Variants in TFPI observed in about 807,000 individuals in gnomAD.
TFPI encodes the protein anti-convertin.
In TFPI, 15 loss-of-function variants were observed where a neutral mutation model predicts 34.6. The ratio of observed to expected loss-of-function variants is 0.43; its 90% CI spans 0.29 to 0.67. The LOEUF (loss-of-function observed/expected upper bound fraction) is 0.67, where lower values mean the gene tolerates loss of function less well. Among genes scored for constraint, TFPI ranks in the 30% least tolerant of loss-of-function variants. The pLI, the probability that TFPI is intolerant of heterozygous loss-of-function variation, is 0.15. For synonymous variants in TFPI, 105 were observed against 120.1 expected (o/e 0.87, Z 0.82); for missense variants, 301 against 364.0 (o/e 0.83, Z 1.41).
intron 1 of TFPI, among the ~76,000 whole-genome samples, chr2:187,535,999 C>T (rs1435195443): frequency 1.3e-5 from 2 of 152,106 alleles, no homozygotes; most frequent in Non-Finnish European, 2.9e-5. Context: ...TGGATAAATT[C>T]CTGGACACAT....
At position 187,512,740 on chromosome 2, in the gene TFPI, T is replaced by C. The variant is rs183207140; in HGVS notation, c.-2-8970A>G. On this transcript the variant is annotated intron_variant, in intron 1 of 7. Transcript: ENST00000233156. The stretch of plus-strand genomic sequence containing the variant: ...AAAGGAAGTCCACTTTGGAAAAGAA[T>C]GGTTATCATCTTCAAAAAAAAGGGA... Among the ~76,000 whole-genome samples, 172 of 151,932 alleles carry C rather than the reference T, an allele frequency of 1.1e-3. 1 individual carries two copies. Among genetic ancestry groups the C allele is most frequent in the African/African-American group, 4.0e-3 (166 of 41,370 alleles).
intron 1 of TFPI, among the ~76,000 whole-genome samples, chr2:187,543,514 C>T (rs1688690051): frequency 6.6e-6 from 1 of 152,186 alleles, no homozygotes; most frequent in South Asian, 2.1e-4. Flanking sequence ...ATTATGAATT[C>T]ATTTTCATAG....
chr2:187,533,521 A>C (rs1201072937), intron 1 of TFPI, among the ~76,000 whole-genome samples: 1 of 152,238 alleles, frequency 6.6e-6, no homozygotes, highest in African/African-American at 2.4e-5. Context: ...TAGTATTAAC[A>C]TCAACAAAGA....
At chr2:187,534,783 T>C (rs1219973001) in intron 1 of TFPI, among the ~76,000 whole-genome samples, 2 of 151,686 alleles carry the variant, frequency 1.3e-5, no homozygotes, top group East Asian at 3.9e-4. Flanking sequence ...GCAAATTAGA[T>C]AGAGTCAAAA....
At chr2:187,505,966 A>G (rs1473066326) in intron 1 of TFPI, among the ~76,000 whole-genome samples, 1 of 152,054 alleles carries the variant, frequency 6.6e-6, no homozygotes, top group Non-Finnish European at 1.5e-5. Flanking sequence ...AGCAAGCCAT[A>G]GCTAAATAGT....
intron 6 of TFPI, among the ~76,000 whole-genome samples, chr2:187,476,696 A>G (rs1405571174): frequency 5.3e-5 from 8 of 152,154 alleles, no homozygotes; most frequent in Non-Finnish European, 1.0e-4. Flanking sequence ...CCATTACTCA[A>G]ATAGAAAAAA....
At chr2:187,512,642 A>G (rs1686724060) in intron 1 of TFPI, among the ~76,000 whole-genome samples, 1 of 152,208 alleles carries the variant, frequency 6.6e-6, no homozygotes, top group South Asian at 2.1e-4. Flanking sequence ...AAAGTGTGCT[A>G]AAAGTTAACA....
At chr2:187,522,739 A>C (rs1265110891) in intron 1 of TFPI, among the ~76,000 whole-genome samples, 1 of 148,920 alleles carries the variant, frequency 6.7e-6, no homozygotes, top group African/African-American at 2.5e-5. Flanking sequence ...AAAAAAAAAA[A>C]AAAAACCCAG....
At chr2:187,515,065 G>A (rs1424965024) in intron 1 of TFPI, 1 of 152,216 alleles carries the variant, frequency 6.6e-6, no homozygotes, top group African/African-American at 2.4e-5. Flanking sequence ...GGCGGTTAGA[G>A]TTTTGACCCA....
chr2:187,475,196 G>A (rs1692296299), intron 6 of TFPI, among the ~76,000 whole-genome samples: 2 of 152,102 alleles, frequency 1.3e-5, no homozygotes, highest in Non-Finnish European at 2.9e-5. Context: ...TTGCTGAAAT[G>A]AACTGAAATT....
chr2:187,495,035 T>C (rs1357053647), intron 3 of TFPI, among the ~76,000 whole-genome samples: 2 of 152,182 alleles, frequency 1.3e-5, no homozygotes, highest in African/African-American at 4.8e-5. Flanking sequence ...AAGTGAATTT[T>C]GATAGATAAT....
intron 6 of TFPI, among the ~76,000 whole-genome samples, chr2:187,470,899 G>T (rs549012708): frequency 6.6e-6 from 1 of 152,288 alleles, no homozygotes; most frequent in South Asian, 2.1e-4. Flanking sequence ...GCTCCTACTT[G>T]TCCATGACTG....
chr2:187,500,276 CTACT>C (rs1685767795), intron 2 of TFPI, among the ~76,000 whole-genome samples: 4 of 152,102 alleles, frequency 2.6e-5, no homozygotes, highest in Admixed American at 6.6e-5. Flanking sequence ...TCATAACCAC[CTACT>C]GAGTTAGGCA....
chr2:187,530,237 A>G (rs1687892552), intron 1 of TFPI, among the ~76,000 whole-genome samples: 1 of 152,180 alleles, frequency 6.6e-6, no homozygotes, highest in African/African-American at 2.4e-5. Flanking sequence ...ATTGAGTAAT[A>G]TATTTGTTTT....
At chr2:187,524,522 C>A (rs1475411302) in intron 1 of TFPI, among the ~76,000 whole-genome samples, 1 of 151,818 alleles carries the variant, frequency 6.6e-6, no homozygotes, top group Admixed American at 6.6e-5. Context: ...GTTCAATACC[C>A]CAAACAATGA....
At position 187,530,605 on chromosome 2, in the gene TFPI, G is replaced by A. The variant is rs572693416; in HGVS notation, c.-3+23595C>T. ...CTACTCAAGTGGTGTCTTTCAGAGC[G>A]TAAAATAACTTGATGGTTACGTTCT... On this transcript the variant is annotated intron_variant, in intron 1 of 7. Transcript: ENST00000233156. Among the ~76,000 whole-genome samples, 24 of 152,248 alleles carry A rather than the reference G, an allele frequency of 1.6e-4. No homozygotes were observed. In the East Asian group the frequency reaches 2.1e-3, roughly 13 times the overall value.
At chr2:187,500,443 A>C (rs1255373873) in intron 2 of TFPI, among the ~76,000 whole-genome samples, 1 of 152,204 alleles carries the variant, frequency 6.6e-6, no homozygotes, top group African/African-American at 2.4e-5. Context: ...ATATTGTCAC[A>C]GACATGTGAC....
intron 1 of TFPI, among the ~76,000 whole-genome samples, chr2:187,525,916 C>T (rs750929997): frequency 2.6e-5 from 4 of 151,954 alleles, no homozygotes; most frequent in African/African-American, 7.2e-5. Context: ...ATATCAGTTC[C>T]GTAACTTACT....
intron 1 of TFPI, among the ~76,000 whole-genome samples, chr2:187,546,341 T>C (rs957939086): frequency 6.6e-6 from 1 of 151,936 alleles, no homozygotes; most frequent in Admixed American, 6.5e-5. Flanking sequence ...AATTCACCTT[T>C]CTTCATCAAA....
Sources: allele counts gnomAD v4.1 joint callset (sites outside exome capture counted in the v4.1 genomes callset), GRCh38; gene constraint gnomAD v4.1.1; transcripts MANE v1.5; gene names NCBI Gene and HGNC (gene_info 2026-07-23, HGNC 2026-07-21).